The following FYB2 variants were observed in gnomAD, a reference collection of about 807,000 sequenced individuals.
FYB2 encodes FYN-binding protein 2.
Under a neutral mutation model 94.1 loss-of-function variants are expected in FYB2, and 103 were observed. The ratio of observed to expected loss-of-function variants is 1.09; its 90% CI spans 0.93 to 1.29. The LOEUF (loss-of-function observed/expected upper bound fraction) is 1.29. Among genes scored for constraint, FYB2 ranks in the 50% most tolerant of loss-of-function variants. The pLI, the probability that FYB2 is intolerant of heterozygous loss-of-function variation, is 0.00. For synonymous variants in FYB2, 293 were observed against 287.9 expected (o/e 1.02, Z -0.18); for missense variants, 896 against 841.5 (o/e 1.06, Z -0.80).
chr1:56,820,274 C>T (rs558877383), upstream of FYB2, among the ~76,000 whole-genome samples: 4 of 150,222 alleles, frequency 2.7e-5, no homozygotes, highest in South Asian at 8.4e-4. Context: ...GAGATGGTAA[C>T]ACCTGCCCAT....
At chr1:56,755,134 G>C (rs1645294905) in intron 7 of FYB2, among the ~76,000 whole-genome samples, 1 of 152,116 alleles carries the variant, frequency 6.6e-6, no homozygotes, top group African/African-American at 2.4e-5. Context: ...GAAGAGGCAG[G>C]TAAGAGCACT....
At chr1:56,792,005 A>C (rs1646277099) in intron 2 of FYB2, 51 bp downstream of exon 2, 1 of 1,513,984 alleles carries the variant, frequency 6.6e-7, no homozygotes, top group African/African-American at 1.4e-5. Context: ...CAAGTAGAAA[A>C]ACATGATGAC....
intron 8 of FYB2, among the ~76,000 whole-genome samples, chr1:56,752,985 T>C (rs1645236453): frequency 6.6e-6 from 1 of 152,076 alleles, no homozygotes; most frequent in East Asian, 1.9e-4. Flanking sequence ...CTTTCTTAAT[T>C]AGCAACTTAC....
At chr1:56,791,984 C>A (rs1466159422) in intron 2 of FYB2, 72 bp downstream of exon 2, 7 of 1,507,824 alleles carry the variant, frequency 4.6e-6, no homozygotes, top group Non-Finnish European at 6.2e-6. Flanking sequence ...CACTCTGAAT[C>A]AACAGGTTTT....
At position 56,719,559 on chromosome 1, in the gene FYB2, G is replaced by C; in HGVS notation, c.*112C>G. 2 of 917,536 alleles carry C rather than the reference G, an allele frequency of 2.2e-6. No individual in the cohort carries two copies. The highest frequency in any genetic ancestry group is 3.2e-6 in the Non-Finnish European group (2 of 618,150). 56.8% of individuals were successfully genotyped at this position (917,536 alleles called of 1,614,324 possible). ...TAAGTTCAGAACGAAAGTTTCCACAGATTCCACCATCTCAAAATTTTGACA... is the reference window on the plus strand; with the variant it reads ...TAAGTTCAGAACGAAAGTTTCCACACATTCCACCATCTCAAAATTTTGACA... On this transcript the variant is annotated 3_prime_UTR_variant, in exon 20 of 20. Transcript: ENST00000343433.
chr1:56,818,455 AACACACACACACAC>A lies in FYB2; in HGVS notation c.9+813_9+826del, dbSNP rs3991685. Among the ~76,000 whole-genome samples, 31 of 139,960 alleles carry A rather than the reference AACACACACACACAC, an allele frequency of 2.2e-4. No homozygotes were observed. The Middle Eastern group carries it at 0.018, about 81-fold the overall frequency. 91.8% of individuals were successfully genotyped at this position (139,960 alleles called of 152,430 possible). On this transcript the variant is annotated intron_variant, in intron 1 of 19. Transcript: ENST00000343433. Reference sequence around the variant, plus strand: ...AATATATAATAAAAAGTATGGAAGCAACACACACACACACACACACACACACACACACACACACA... The same window carrying A: ...AATATATAATAAAAAGTATGGAAGCAACACACACACACACACACACACACA...
At chr1:56,822,534 C>T (rs1372328277), upstream of FYB2, among the ~76,000 whole-genome samples, 1 of 152,288 alleles carries the variant, frequency 6.6e-6, no homozygotes, top group Non-Finnish European at 1.5e-5. Context: ...GTGCCATACT[C>T]TCCAAAAAGG....
intron 14 of FYB2, 83 bp from the exon 15 acceptor site, chr1:56,737,230 C>T: frequency 9.9e-7 from 1 of 1,015,026 alleles, no homozygotes; most frequent in Non-Finnish European, 1.5e-6. Flanking sequence ...ACTCAATTAC[C>T]TAATTATCCA....
In FYB2 at chr1:56,737,102, C is replaced by T. The variant is rs754136864; in HGVS notation, c.1778G>A (p.Ser593Asn). Reference sequence around the variant, plus strand: ...AATTACTTACTTTGACTCTTTTTCACTCAGGTCTACATCATCATAAATAAT... The same window carrying T: ...AATTACTTACTTTGACTCTTTTTCATTCAGGTCTACATCATCATAAATAAT... ...EVIIYDDVDL[S>N]EKESKDEDKL... Residue 593 changes from serine to asparagine, a missense_variant, in exon 15 of 20, where the codon AGT (serine) becomes AAT (asparagine). Transcript: ENST00000343433. The T allele has an allele frequency of 6.2e-7, 1 of 1,605,730 alleles. No individual in the cohort carries two copies. The highest frequency in any genetic ancestry group is 1.1e-5 in the South Asian group (1 of 90,246).
chr1:56,757,675 T>TTCCTTCCTTCCTTCCTTCCTTCCTTCC (rs1645369643), intron 6 of FYB2, among the ~76,000 whole-genome samples: 2 of 98,976 alleles, frequency 2.0e-5, no homozygotes, highest in African/African-American at 8.1e-5. Context: ...TTCTTTCCTC[T>TTCCTTCCTTCCTTCCTTCCTTCCTTCC]TTCCTTCCTT....
upstream of FYB2, among the ~76,000 whole-genome samples, chr1:56,822,160 C>T (rs1444792725): frequency 6.6e-6 from 1 of 152,144 alleles, no homozygotes; most frequent in East Asian, 1.9e-4. Context: ...TTATTTAGTC[C>T]TTATTATGAT....
intron 9 of FYB2, among the ~76,000 whole-genome samples, chr1:56,747,499 T>C (rs1277667622): frequency 2.0e-5 from 3 of 151,922 alleles, no homozygotes; most frequent in Non-Finnish European, 4.4e-5. Context: ...TGAGTGAGAA[T>C]GTGTGGTGTT....
chr1:56,764,793 A>ATT (rs1272745107), intron 5 of FYB2, among the ~76,000 whole-genome samples: 2 of 152,186 alleles, frequency 1.3e-5, no homozygotes, highest in Non-Finnish European at 2.9e-5. Context: ...AATAACAGAA[A>ATT]TTTATTCCTC....
intron 1 of FYB2, among the ~76,000 whole-genome samples, chr1:56,804,738 AATAAATAAATAC>A (rs1198547337): frequency 9.0e-5 from 9 of 100,472 alleles, no homozygotes; most frequent in Non-Finnish European, 1.9e-4. Flanking sequence ...TCAATAAATA[AATAAATAAATAC>A]ATAAATAAAT....
chr1:56,723,533 A>G (rs1321916275), intron 17 of FYB2, 55 bp downstream of exon 17: 4 of 1,054,920 alleles, frequency 3.8e-6, no homozygotes, highest in Non-Finnish European at 5.4e-6. Context: ...TTTTTTTTAA[A>G]TGAAAGCTCC....
intron 12 of FYB2, 101 bp from the exon 13 acceptor site, chr1:56,740,896 T>C (rs1644937064): frequency 1.4e-5 from 10 of 717,026 alleles, no homozygotes; most frequent in Non-Finnish European, 2.2e-5. Flanking sequence ...TTCTCACTTG[T>C]AAGTGGGAGC....
intron 11 of FYB2, among the ~76,000 whole-genome samples, chr1:56,742,794 C>G (rs541476704): frequency 3.9e-5 from 6 of 151,940 alleles, no homozygotes; most frequent in Non-Finnish European, 8.8e-5. Context: ...AGTCACTTCT[C>G]TATGTTTCAA....
Position 56,753,062 on chromosome 1 carries a change from T to C in FYB2, c.1227+777A>G, listed in dbSNP as rs1645238084. 3.3e-5 allele frequency among the ~76,000 whole-genome samples: 5 copies of C among 152,110 alleles called. No individual in the cohort carries two copies. In the South Asian group the frequency reaches 1.0e-3, roughly 31 times the overall value. ...ACCCAACATGGTCCAGCCCAACCTC[T>C]GGACCTACATGCCAGTTCAGGCTCA... On this transcript the variant is annotated intron_variant, in intron 8 of 19. Transcript: ENST00000343433.
chr1:56,738,513 G>C, intron 14 of FYB2, 112 bp downstream of exon 14: 3 of 1,125,276 alleles, frequency 2.7e-6, no homozygotes, highest in East Asian at 5.1e-5. Context: ...TTTTGGTAGA[G>C]CAATTTTTCA....
Sources: gnomAD v4.1 joint callset for allele counts (sites outside exome capture counted in the v4.1 genomes callset) on GRCh38, gnomAD v4.1.1 for gene constraint, MANE v1.5 for transcripts, NCBI Gene and HGNC (gene_info 2026-07-23, HGNC 2026-07-21) for gene names.